OPCML: variants seen among roughly 807,000 people sequenced by gnomAD.
OPCML encodes the protein opioid binding protein/cell adhesion molecule like.
Under a neutral mutation model 37.8 loss-of-function variants are expected in OPCML, and 13 were observed. That is an observed-to-expected ratio of 0.34 (90% confidence interval 0.22 to 0.55). OPCML has a LOEUF of 0.55. Ranked by LOEUF, OPCML falls within the 20% of genes least tolerant of loss-of-function variation. The pLI is 0.91. For missense variants in OPCML, 341 were observed against 435.6 expected (o/e 0.78, Z 1.93); for synonymous variants, 176 against 168.8 (o/e 1.04, Z -0.33).
At chr11:132,835,082 C>T (rs1280646815) in intron 2 of OPCML, among the ~76,000 whole-genome samples, 2 of 152,014 alleles carry the variant, frequency 1.3e-5, no homozygotes, top group African/African-American at 4.8e-5. Context: ...ATTTCATCAG[C>T]TCCACAAAGG....
intron 3 of OPCML, among the ~76,000 whole-genome samples, chr11:132,548,613 T>G (rs2096374359): frequency 6.6e-6 from 1 of 152,160 alleles, no homozygotes. Flanking sequence ...GAATAAGCTC[T>G]CCTCTACCCC....
At chr11:132,893,957 G>A (rs2136470857) in intron 2 of OPCML, among the ~76,000 whole-genome samples, 1 of 152,228 alleles carries the variant, frequency 6.6e-6, no homozygotes, top group East Asian at 1.9e-4. Flanking sequence ...AGCTAAAGAT[G>A]CGTCTTTACA....
chr11:132,856,284 G>T (rs1299145204), intron 2 of OPCML, among the ~76,000 whole-genome samples: 1 of 152,160 alleles, frequency 6.6e-6, no homozygotes, highest in African/African-American at 2.4e-5. Flanking sequence ...TGGGAAAGTG[G>T]CATGATGGCT....
chr11:132,522,764 A>G (rs902281898), intron 4 of OPCML, among the ~76,000 whole-genome samples: 2 of 152,208 alleles, frequency 1.3e-5, no homozygotes, highest in Non-Finnish European at 2.9e-5. Context: ...TCTGAAGTCC[A>G]TGTTCTGCCA....
At chr11:132,851,453 T>C (rs1049044969) in intron 2 of OPCML, among the ~76,000 whole-genome samples, 3 of 152,164 alleles carry the variant, frequency 2.0e-5, no homozygotes, top group African/African-American at 7.2e-5. Flanking sequence ...TGGTGCAGTG[T>C]GGACGAACAG....
chr11:132,545,008 T>C (rs897008034), intron 3 of OPCML, among the ~76,000 whole-genome samples: 1 of 152,260 alleles, frequency 6.6e-6, no homozygotes, highest in Admixed American at 6.5e-5. Context: ...AGAGTCTTAA[T>C]TTGATTCATC....
intron 1 of OPCML, among the ~76,000 whole-genome samples, chr11:133,417,463 TTTTA>T (rs143828312): frequency 2.2e-4 from 33 of 151,494 alleles, no homozygotes; most frequent in African/African-American, 2.4e-4. Context: ...ACCTGGATTC[TTTTA>T]TTTATTTATT....
At chr11:132,510,195 C>A (rs1156355452) in intron 4 of OPCML, among the ~76,000 whole-genome samples, 3 of 152,126 alleles carry the variant, frequency 2.0e-5, no homozygotes, top group African/African-American at 4.8e-5. Context: ...CAATTTCTCC[C>A]TTTTGGAATG....
At chr11:133,311,714 C>T (rs1943071069) in intron 1 of OPCML, among the ~76,000 whole-genome samples, 1 of 152,144 alleles carries the variant, frequency 6.6e-6, no homozygotes, top group South Asian at 2.1e-4. Context: ...ATAGAAGGGC[C>T]CACACTGTGG....
chr11:133,463,258 G>A lies in OPCML; in HGVS notation c.61+69006C>T, dbSNP rs117342816. Reference sequence around the variant, plus strand: ...CCAGGGAAAGGTCAGAGAGGGAATCGGGAAATGACTGTTTAATGGGTACAG... The same window carrying A: ...CCAGGGAAAGGTCAGAGAGGGAATCAGGAAATGACTGTTTAATGGGTACAG... On this transcript the variant is annotated intron_variant, in intron 1 of 7. Coordinates refer to ENST00000524381, the MANE Select transcript of OPCML (RefSeq NM_001012393.5). 2.5e-3 allele frequency among the ~76,000 whole-genome samples: 376 copies of A among 152,096 alleles called. 13 individuals are homozygous for A. In the East Asian group the frequency reaches 0.067, roughly 27 times the overall value.
intron 2 of OPCML, among the ~76,000 whole-genome samples, chr11:132,811,037 A>G (rs1191290820): frequency 6.6e-6 from 1 of 152,192 alleles, no homozygotes; most frequent in African/African-American, 2.4e-5. Context: ...GTTCACTGTC[A>G]GTGTCAGAGA....
intron 1 of OPCML, among the ~76,000 whole-genome samples, chr11:133,163,337 A>C (rs1245242660): frequency 1.3e-5 from 2 of 152,192 alleles, no homozygotes; most frequent in Non-Finnish European, 2.9e-5. Flanking sequence ...AAAATTGCAT[A>C]GATAGAAAAT....
At chr11:133,288,650 A>C (rs1156414201) in intron 1 of OPCML, among the ~76,000 whole-genome samples, 1 of 152,170 alleles carries the variant, frequency 6.6e-6, no homozygotes, top group Admixed American at 6.5e-5. Context: ...CCCAGGGTCT[A>C]CCTTGGATCA....
At chr11:132,896,053 C>T (rs1031407997) in intron 2 of OPCML, among the ~76,000 whole-genome samples, 1 of 152,088 alleles carries the variant, frequency 6.6e-6, no homozygotes, top group Non-Finnish European at 1.5e-5. Context: ...CCCTCAGAGC[C>T]GAGGTCCTCA....
At chr11:132,440,660 T>A (rs1408211153) in intron 4 of OPCML, among the ~76,000 whole-genome samples, 5 of 152,362 alleles carry the variant, frequency 3.3e-5, no homozygotes, top group African/African-American at 1.2e-4. Context: ...AGAATCAGGA[T>A]GCATGGATTC....
chr11:133,476,394 T>A (rs398102344), intron 1 of OPCML, among the ~76,000 whole-genome samples: 183 of 1,936 alleles, frequency 0.095, 1 homozygote, highest in African/African-American at 0.15. Context: ...TGTTGTTAGT[T>A]TTTTTTTTTT....
intron 1 of OPCML, among the ~76,000 whole-genome samples, chr11:133,028,131 T>C (rs565487717): frequency 6.6e-6 from 1 of 152,166 alleles, no homozygotes; most frequent in Admixed American, 6.5e-5. Flanking sequence ...TTTATTTTTA[T>C]TTCTTTCTTT....
intron 1 of OPCML, among the ~76,000 whole-genome samples, chr11:133,228,570 C>T (rs1490515194): frequency 6.6e-6 from 1 of 152,226 alleles, no homozygotes; most frequent in Admixed American, 6.5e-5. Flanking sequence ...AGCGTGTGGC[C>T]CCTCCCAGGA....
At position 132,418,326 on chromosome 11, in the gene OPCML, C is replaced by T. The variant is rs1383257824; in HGVS notation, c.*1867G>A. 6.6e-6 allele frequency: 1 copy of T among 152,198 alleles called. No homozygotes were observed. The highest frequency in any genetic ancestry group is 1.5e-5 in the Non-Finnish European group (1 of 68,038). 9.4% of individuals were successfully genotyped at this position (152,198 alleles called of 1,614,324 possible). A position where few individuals can be genotyped will look rare whatever the true frequency, so the allele number is the denominator to read the frequency against. The stretch of plus-strand genomic sequence containing the variant: ...CAGCACACCTGTGCGGTCTGCAATG[C>T]CTTTATTTTGAATCCCAGGCAACTT... On this transcript the variant is annotated 3_prime_UTR_variant, in exon 8 of 8. Transcript: ENST00000524381.
Sources: gnomAD v4.1 joint callset for allele counts (sites outside exome capture counted in the v4.1 genomes callset) on GRCh38, gnomAD v4.1.1 for gene constraint, MANE v1.5 for transcripts, NCBI Gene and HGNC (gene_info 2026-07-23, HGNC 2026-07-21) for gene names.